The following MRC2 variants were observed in gnomAD, a reference collection of about 807,000 sequenced individuals.
MRC2 encodes C-type mannose receptor 2.
MRC2 carries 84 observed loss-of-function variants against 206.2 expected under a neutral mutation model. The observed-to-expected ratio is 0.41, with a 90% CI of 0.34 to 0.49. MRC2 has a LOEUF of 0.49. MRC2 is among the 20% of genes least tolerant of loss of function. The probability of loss-of-function intolerance (pLI) is 0.31; values close to 1 mark genes in which losing one functional copy is unlikely to be tolerated. For missense variants in MRC2, 1,676 were observed against 2,001.5 expected, an observed-to-expected ratio of 0.84 and a Z score of 3.10; for synonymous variants, 798 against 800.0, an observed-to-expected ratio of 1.00 and a Z score of 0.04.
In MRC2 at chr17:62,666,738, T is replaced by G. The variant is rs1015195991; in HGVS notation, c.860-19T>G. On this transcript the variant is annotated intron_variant, in intron 4 of 29. Coordinates refer to ENST00000303375, the MANE Select transcript of MRC2 (RefSeq NM_006039.5). The surrounding 1 kb of genome is among the most constrained non-coding windows in gnomAD (Gnocchi z 5.0). ...CTGGGGCTGGGGATCCCCTGTTCAG[T>G]GTCCCTCCTTGCTGTCAGGCCTCCT... 1.2e-6 allele frequency: 2 copies of G among 1,611,492 alleles called. No homozygotes were observed. The highest frequency in any genetic ancestry group is 2.7e-5 in the African/African-American group (2 of 74,820).
rs557863155 is a variant in MRC2, at chr17:62,692,681, G to T, written c.*230G>T. On this transcript the variant is annotated 3_prime_UTR_variant, in exon 30 of 30. Transcript: ENST00000303375. This position sits in a 1 kb window ranked among gnomAD's most constrained non-coding sequence, Gnocchi z 4.2. ...GCGTGGCGTTTCCCTTTCTGGGGGGGCCTGAGGTCTTGTCACCTGGTCCTG... is the reference window on the plus strand; with the variant it reads ...GCGTGGCGTTTCCCTTTCTGGGGGGTCCTGAGGTCTTGTCACCTGGTCCTG... 427 of 515,384 alleles carry T rather than the reference G, an allele frequency of 8.3e-4. 1 individual carries two copies. The highest frequency in any genetic ancestry group is 7.4e-3 in the African/African-American group (387 of 52,408). 31.9% of individuals were successfully genotyped at this position (515,384 alleles called of 1,614,324 possible). A position where few individuals can be genotyped will look rare whatever the true frequency, so the allele number is the denominator to read the frequency against.
In MRC2 at chr17:62,688,326, T is replaced by G; in HGVS notation, c.2984T>G (p.Val995Gly). The G allele has an allele frequency of 6.2e-7, 1 of 1,614,038 alleles. No individual in the cohort carries two copies. Residue 995 changes from valine to glycine, a missense_variant, in exon 21 of 30, where the codon GTG (valine) becomes GGG (glycine). Coordinates refer to ENST00000303375, the MANE Select transcript of MRC2 (RefSeq NM_006039.5). ...CAGGGCCAGGAACCCCAGAGCCGGG[T>G]GAAGTGGTCAGAGGCACAGTTCTCC... is the stretch of plus-strand genomic sequence containing the variant. ...QVQGQEPQSR[V>G]KWSEAQFSCE...
chr17:62,653,207 G>C (rs1228247508), intron 1 of MRC2, among the ~76,000 whole-genome samples: 1 of 152,192 alleles, frequency 6.6e-6, no homozygotes, highest in Non-Finnish European at 1.5e-5. Context: ...GGGGAGGACT[G>C]GCCGAAAATA....
chr17:62,691,976 G>A, intron 28 of MRC2, 136 bp from the exon 29 acceptor site: 1 of 1,152,202 alleles, frequency 8.7e-7, no homozygotes, highest in South Asian at 1.4e-5. Context: ...GTAACCAGAG[G>A]TAGGATGGGA....
In MRC2 at chr17:62,692,306, C is replaced by T; in HGVS notation, c.4295C>T (p.Ala1432Val). 1 of 1,592,728 alleles carries T rather than the reference C, an allele frequency of 6.3e-7. No homozygotes were observed. The highest frequency in any genetic ancestry group is 1.1e-5 in the South Asian group (1 of 88,218). The change falls in exon 30 of 30, where the codon GCC becomes GTC. Residue 1432 changes from alanine to valine, a missense_variant. Physicochemically the swap from Ala to Val is moderately conservative, Grantham distance 64. Around this residue, in one of 3 missense-constraint regions of MRC2, gnomAD observed 1,354 missense variants for 1,636.6 expected, o/e 0.83. Coordinates refer to ENST00000303375, the MANE Select transcript of MRC2 (RefSeq NM_006039.5). This position sits in a 1 kb window ranked among gnomAD's most constrained non-coding sequence, Gnocchi z 4.2. Reference sequence around the variant, plus strand: ...CTGCTCCTGGCCTTGCTGACCGCAGCCCTCATCCTTTACCGGAGGCGCCAG... The same window carrying T: ...CTGCTCCTGGCCTTGCTGACCGCAGTCCTCATCCTTTACCGGAGGCGCCAG... ...VLLLLALLTA[A>V]LILYRRRQSI...
intron 20 of MRC2, among the ~76,000 whole-genome samples, chr17:62,684,229 T>C (rs913899707): frequency 6.6e-6 from 1 of 152,196 alleles, no homozygotes; most frequent in African/African-American, 2.4e-5. Flanking sequence ...ACAAATAGAT[T>C]GAAGTGAAAA....
Position 62,690,519 on chromosome 17 carries a change from T to C in MRC2, c.3893-123T>C, listed in dbSNP as rs562586546. The C allele has an allele frequency of 1.7e-5, 25 of 1,444,396 alleles. No individual in the cohort carries two copies. In the Admixed American group the frequency reaches 1.8e-4, roughly 10 times the overall value. The allele number at this position is 1,444,396 out of a possible 1,614,324, so 89.5% of individuals were successfully genotyped here. A position where few individuals can be genotyped will look rare whatever the true frequency, so the allele number is the denominator to read the frequency against. ...TTGCACATGTGCACACACACACACA[T>C]GAATCCACAGACTCCACACCATCCT... On this transcript the variant is annotated intron_variant, in intron 26 of 29. Coordinates refer to ENST00000303375, the MANE Select transcript of MRC2 (RefSeq NM_006039.5).
chr17:62,646,645 G>A (rs934034251), intron 1 of MRC2, among the ~76,000 whole-genome samples: 1 of 152,196 alleles, frequency 6.6e-6, no homozygotes, highest in African/African-American at 2.4e-5. Context: ...TTGGCACCAG[G>A]ATTGGATGGT....
rs1276394239 is a variant in MRC2, at chr17:62,664,635, A to G, written c.206A>G (p.Asn69Ser). Reference sequence around the variant, plus strand: ...CAGGTCAGAGTCACCCCGGCTTGCAATACCAGCCTCCCTGCCCAGCGCTGG... The same window carrying G: ...CAGGTCAGAGTCACCCCGGCTTGCAGTACCAGCCTCCCTGCCCAGCGCTGG... ...GGQVRVTPAC[N>S]TSLPAQRWKW... Residue 69 changes from asparagine (N) to serine (S), a missense_variant, in exon 2 of 30, where the codon AAT becomes AGT. By Grantham distance (46) the Asn-to-Ser change is conservative (BLOSUM62 1). This residue lies in a region of MRC2 where 318 missense variants were observed against 346.7 expected (regional missense o/e 0.92). Coordinates refer to ENST00000303375, the MANE Select transcript of MRC2 (RefSeq NM_006039.5). This position sits in a 1 kb window ranked among gnomAD's most constrained non-coding sequence, Gnocchi z 4.7. The G allele has an allele frequency of 6.2e-7, 1 of 1,613,702 alleles. No homozygotes were observed. Among genetic ancestry groups the G allele is most frequent in the Non-Finnish European group, 8.5e-7 (1 of 1,180,022 alleles).
Position 62,666,786 on chromosome 17 carries a change from T to C in MRC2, c.889T>C (p.Trp297Arg). Residue 297 changes from tryptophan (W) to arginine (R), a missense_variant, in exon 5 of 30, where the codon TGG becomes CGG. Physicochemically the swap from Trp to Arg is moderately radical, Grantham distance 101. Coordinates refer to ENST00000303375, the MANE Select transcript of MRC2 (RefSeq NM_006039.5). The surrounding 1 kb of genome is among the most constrained non-coding windows in gnomAD (Gnocchi z 5.0). The stretch of plus-strand genomic sequence containing the variant: ...CCTCACTGGGTACAGCTCCACCCTG[T>C]GGATCGGCTTGAATGACTTGGACAC... ...GLLTGYSSTL[W>R]IGLNDLDTSG... The C allele has an allele frequency of 6.2e-7, 1 of 1,613,520 alleles. No individual in the cohort carries two copies. Among genetic ancestry groups the C allele is most frequent in the East Asian group, 2.2e-5 (1 of 44,842 alleles).
chr17:62,674,477 GC>G (rs1318206675), intron 9 of MRC2, among the ~76,000 whole-genome samples: 1 of 152,150 alleles, frequency 6.6e-6, no homozygotes, highest in Non-Finnish European at 1.5e-5. Context: ...ACCCCCGAGT[GC>G]CCCCTCAGAG....
intron 1 of MRC2, among the ~76,000 whole-genome samples, chr17:62,634,295 GACC>G (rs1195435543): frequency 6.6e-6 from 1 of 152,056 alleles, no homozygotes; most frequent in Non-Finnish European, 1.5e-5. Flanking sequence ...CAGTGAGAAT[GACC>G]ACAAGTCATT....
At chr17:62,657,958 T>A (rs1394009540) in intron 1 of MRC2, among the ~76,000 whole-genome samples, 1 of 151,580 alleles carries the variant, frequency 6.6e-6, no homozygotes, top group Non-Finnish European at 1.5e-5. Flanking sequence ...CCTACAGGAA[T>A]CCCCCCTCAG....
At chr17:62,665,733 A>G (rs548471561) in intron 2 of MRC2, among the ~76,000 whole-genome samples, 1 of 152,188 alleles carries the variant, frequency 6.6e-6, no homozygotes, top group East Asian at 1.9e-4. Context: ...CCGAGATAGA[A>G]CTTTGTGGGG....
intron 1 of MRC2, among the ~76,000 whole-genome samples, chr17:62,640,330 T>C (rs1568049766): frequency 6.6e-6 from 1 of 152,096 alleles, no homozygotes; most frequent in Non-Finnish European, 1.5e-5. Context: ...TTGGTGTCTT[T>C]GTTTTTGTTT....
intron 1 of MRC2, among the ~76,000 whole-genome samples, chr17:62,643,903 G>A (rs2088441612): frequency 6.6e-6 from 1 of 152,102 alleles, no homozygotes; most frequent in African/African-American, 2.4e-5. Context: ...GAAATGTTAA[G>A]TGAAAAAAGA....
rs768366738 is a variant in MRC2, at chr17:62,682,311, G to A, written c.2880G>A (p.Gln960=). Residue 960 remains glutamine (Q), a synonymous_variant, in exon 20 of 30, where the codon CAG becomes CAA. Transcript: ENST00000303375. ...CKRSNVTKET[Q]PPDLPTTALG... ...GCAGCAACGTCACCAAAGAAACGCA[G>A]CCCCCAGACCTGCCAACTACAGCCC... 15 of 1,606,688 alleles carry A rather than the reference G, an allele frequency of 9.3e-6. No individual in the cohort carries two copies. The highest frequency in any genetic ancestry group is 1.3e-5 in the Non-Finnish European group (15 of 1,176,746).
At chr17:62,636,066 C>T (rs1374038488) in intron 1 of MRC2, among the ~76,000 whole-genome samples, 3 of 151,794 alleles carry the variant, frequency 2.0e-5, no homozygotes, top group South Asian at 2.1e-4. Flanking sequence ...GGATTACAGG[C>T]GTGAGCCACC....
At chr17:62,659,969 G>A (rs1205323537) in intron 1 of MRC2, among the ~76,000 whole-genome samples, 2 of 152,198 alleles carry the variant, frequency 1.3e-5, no homozygotes, top group Non-Finnish European at 2.9e-5. Context: ...AGAACTGTAG[G>A]TGCTGGGGTT....
Sources: gnomAD v4.1 joint callset for allele counts (sites outside exome capture counted in the v4.1 genomes callset) on GRCh38, gnomAD v4.1.1 for gene constraint, gnomAD v4.1.1 regional missense constraint, Gnocchi (gnomAD v3.1) non-coding constraint, MANE v1.5 for transcripts, NCBI Gene and HGNC (gene_info 2026-07-23, HGNC 2026-07-21) for gene names.